The following CD82 variants were observed in gnomAD, a reference collection of about 807,000 sequenced individuals.
CD82 encodes the protein CD82 molecule.
A neutral mutation model predicts 37.4 loss-of-function variants in CD82; 36 were observed. The observed-to-expected ratio is 0.96, with a 90% CI of 0.74 to 1.27. The LOEUF is 1.27. Ranked by LOEUF, CD82 falls within the 50% of genes most tolerant of loss-of-function variation. The pLI, the probability that CD82 is intolerant of heterozygous loss-of-function variation, is 0.00. For synonymous variants in CD82, 158 were observed against 137.4 expected (o/e 1.15, Z -1.05); for missense variants, 340 against 347.0 (o/e 0.98, Z 0.16).
chr11:44,594,572 A>C (rs975788795), intron 2 of CD82, 71 bp from the exon 3 acceptor site: 3 of 934,990 alleles, frequency 3.2e-6, no homozygotes, highest in Non-Finnish European at 5.3e-6. Flanking sequence ...GTTAGTACCC[A>C]CCTCCTGGGG....
chr11:44,575,767 C>G (rs1009388536), intron 1 of CD82, among the ~76,000 whole-genome samples: 1 of 152,160 alleles, frequency 6.6e-6, no homozygotes, highest in Non-Finnish European at 1.5e-5. Context: ...CCTCACCACC[C>G]CTTCTCCCAT....
upstream of CD82, chr11:44,565,541 A>G (rs1174194349): frequency 4.7e-5 from 7 of 150,254 alleles, no homozygotes; most frequent in African/African-American, 1.7e-4. Context: ...CCGCCTTCCC[A>G]AAGGGCTCGG....
At chr11:44,591,164 C>G (rs934177) in intron 2 of CD82, among the ~76,000 whole-genome samples, 56,893 of 152,030 alleles carry the variant, frequency 0.37, 12,681 homozygotes, top group East Asian at 0.83. Context: ...ACTGGGCTGC[C>G]TGGCTCTCAT....
rs1483378134 is a variant in CD82 at position 44,576,144 on chromosome 11, A to G, written c.-103+10408A>G. On this transcript the variant is annotated intron_variant, in intron 1 of 9. Transcript: ENST00000227155. ...AAGGTCTAGTGTTCTCCAGCAGTTT[A>G]TGTTCCCAGTTATTGTTCTGGGCAG... Among the ~76,000 whole-genome samples, 13 of 152,172 alleles carry G rather than the reference A, an allele frequency of 8.5e-5. No individual in the cohort carries two copies. In the East Asian group the frequency reaches 2.5e-3, roughly 29 times the overall value.
chr11:44,597,080 C>G lies in CD82; in HGVS notation c.63+2355C>G, dbSNP rs895967891. 3 of 452,900 alleles carry G rather than the reference C, an allele frequency of 6.6e-6. No individual in the cohort carries two copies. Among genetic ancestry groups the G allele is most frequent in the Non-Finnish European group, 1.3e-5 (3 of 225,928 alleles). The allele number at this position is 452,900 out of a possible 1,614,324, so 28.1% of individuals were successfully genotyped here. A position where few individuals can be genotyped will look rare whatever the true frequency, so the allele number is the denominator to read the frequency against. Reference sequence around the variant, plus strand: ...CCTCCCCAGGCATAGACCCGGCCAGCCTGCCTCTTTGTTTTATGCACATTG... The same window carrying G: ...CCTCCCCAGGCATAGACCCGGCCAGGCTGCCTCTTTGTTTTATGCACATTG... On this transcript the variant is annotated intron_variant, in intron 3 of 9. Coordinates refer to ENST00000227155, the MANE Select transcript of CD82 (RefSeq NM_002231.4). The surrounding 1 kb of genome is among the most constrained non-coding windows in gnomAD (Gnocchi z 4.1).
chr11:44,585,015 G>A (rs775934988), intron 1 of CD82: 21 of 345,502 alleles, frequency 6.1e-5, no homozygotes, highest in Admixed American at 1.1e-4. Context: ...CCACGGGATC[G>A]GATGCCCAAC....
chr11:44,597,391 A>G lies in CD82; in HGVS notation c.63+2666A>G, dbSNP rs1451656779. 6.6e-6 allele frequency among the ~76,000 whole-genome samples: 1 copy of G among 152,214 alleles called. No homozygotes were observed. The highest frequency in any genetic ancestry group is 1.5e-5 in the Non-Finnish European group (1 of 68,026). On this transcript the variant is annotated intron_variant, in intron 3 of 9. Transcript: ENST00000227155. This position sits in a 1 kb window ranked among gnomAD's most constrained non-coding sequence, Gnocchi z 4.1. ...GAGTGATTAACATGGGGCCTGCCCC[A>G]CAGCTCCAGTCTTGGTTCACAGAGA...
chr11:44,615,314 G>T lies in CD82; in HGVS notation c.379G>T (p.Asp127Tyr). 1.2e-6 allele frequency: 2 copies of T among 1,613,832 alleles called. No individual in the cohort carries two copies. Among genetic ancestry groups the T allele is most frequent in the Non-Finnish European group, 1.7e-6 (2 of 1,179,718 alleles). Residue 127 changes from aspartate to tyrosine, a missense_variant, in exon 7 of 10, where the codon GAC becomes TAC. By Grantham distance (160) the Asp-to-Tyr change is radical. Coordinates refer to ENST00000227155, the MANE Select transcript of CD82 (RefSeq NM_002231.4). ...MGGIVTELIR[D>Y]YNSSREDSLQ... The stretch of plus-strand genomic sequence containing the variant: ...CGGCATCGTGACTGAGCTCATTCGA[G>T]ACTACAACAGCAGTCGCGAGGACAG...
chr11:44,594,945 G>A (rs1011074748), intron 3 of CD82: 42 of 568,468 alleles, frequency 7.4e-5, no homozygotes, highest in Admixed American at 6.6e-4. Context: ...TTCCTGACCC[G>A]GCCTTCCCCT....
chr11:44,618,588 C>G, intron 8 of CD82, 52 bp from the exon 9 acceptor site: 1 of 1,454,978 alleles, frequency 6.9e-7, no homozygotes, highest in Non-Finnish European at 9.5e-7. Flanking sequence ...TTCTGCATGG[C>G]GGGGTGGGAT....
intron 4 of CD82, among the ~76,000 whole-genome samples, chr11:44,601,039 C>A (rs117102681): frequency 6.6e-6 from 1 of 152,158 alleles, no homozygotes; most frequent in Admixed American, 6.5e-5. Flanking sequence ...TGCGCCTGCT[C>A]GGCCTCCTCC....
chr11:44,618,135 A>G (rs1277248434), intron 7 of CD82, 27 bp from the exon 8 acceptor site: 3 of 1,608,774 alleles, frequency 1.9e-6, no homozygotes, highest in Non-Finnish European at 2.6e-6. Context: ...CCGTGAGCAC[A>G]AGCAGTCTGT....
rs56665683 is a variant in CD82, at chr11:44,590,610, C to CAAAAAAAAAAAAAAAAAA, written c.-21+3057_-21+3074dup. Among the ~76,000 whole-genome samples the CAAAAAAAAAAAAAAAAAA allele has an allele frequency of 1.0e-3, 35 of 33,452 alleles. 5 individuals are homozygous for CAAAAAAAAAAAAAAAAAA. The highest frequency in any genetic ancestry group is 3.5e-3 in the African/African-American group (34 of 9,582). The allele number at this position is 33,452 out of a possible 152,430, so 21.9% of individuals were successfully genotyped here. Reference sequence around the variant, plus strand: ...TGGGCAACAGAGGGAGATTCTGTCTCAAAAAAAAAAAAAAAAAAAAGATGA... The same window carrying CAAAAAAAAAAAAAAAAAA: ...TGGGCAACAGAGGGAGATTCTGTCTCAAAAAAAAAAAAAAAAAAAAAAAAAAAAAAAAAAAAAAGATGA... On this transcript the variant is annotated intron_variant, in intron 2 of 9. Transcript: ENST00000227155.
chr11:44,569,608 A>G (rs1454048537), intron 1 of CD82, among the ~76,000 whole-genome samples: 1 of 151,950 alleles, frequency 6.6e-6, no homozygotes, highest in African/African-American at 2.4e-5. Flanking sequence ...GTGAACACCC[A>G]CCCATACTCA....
chr11:44,600,325 T>G (rs1164194432), intron 4 of CD82, 95 bp downstream of exon 4: 2 of 1,166,398 alleles, frequency 1.7e-6, no homozygotes, highest in African/African-American at 3.0e-5. Context: ...TCGGCTTCAA[T>G]GCCTGTTGCT....
chr11:44,571,089 G>A (rs1852808042), intron 1 of CD82, among the ~76,000 whole-genome samples: 1 of 152,216 alleles, frequency 6.6e-6, no homozygotes, highest in Admixed American at 6.5e-5. Context: ...GTTGTTCAGA[G>A]TTCTGGGCCT....
chr11:44,612,574 A>T (rs1011389935), intron 6 of CD82, among the ~76,000 whole-genome samples: 2 of 114,062 alleles, frequency 1.8e-5, no homozygotes, highest in South Asian at 3.0e-4. Context: ...TGAGAGCTTT[A>T]TTGAGAGAAG....
intron 3 of CD82, among the ~76,000 whole-genome samples, chr11:44,595,476 T>C (rs1853209380): frequency 8.0e-6 from 1 of 124,692 alleles, no homozygotes; most frequent in African/African-American, 2.9e-5. Flanking sequence ...CTGGCTTCCC[T>C]GTGTTGACGG....
At chr11:44,614,467 A>G (rs546458415) in intron 6 of CD82, among the ~76,000 whole-genome samples, 2 of 152,336 alleles carry the variant, frequency 1.3e-5, no homozygotes, top group South Asian at 4.1e-4. Flanking sequence ...ACCCCACACA[A>G]CTATTCTGTG....
Sources: gnomAD v4.1 joint callset for allele counts (sites outside exome capture counted in the v4.1 genomes callset) on GRCh38, gnomAD v4.1.1 for gene constraint, Gnocchi (gnomAD v3.1) non-coding constraint, MANE v1.5 for transcripts, NCBI Gene and HGNC (gene_info 2026-07-23, HGNC 2026-07-21) for gene names.